Variants in GIMAP4 observed in about 807,000 individuals in gnomAD.
The protein encoded by GIMAP4 is GTPase, IMAP family member 4, also known as GTPase IMAP family member 4.
Under a neutral mutation model 10.8 loss-of-function variants are expected in GIMAP4, and 12 were observed. That is an observed-to-expected ratio of 1.11 (90% CI 0.71 to 1.81). GIMAP4 has a LOEUF of 1.81. Among genes scored for constraint, GIMAP4 ranks in the 40% most tolerant of loss-of-function variants. The pLI is 0.00. For missense variants in GIMAP4, 412 were observed against 404.6 expected, an observed-to-expected ratio of 1.02 and a Z score of -0.16; for synonymous variants, 149 against 147.2, an observed-to-expected ratio of 1.01 and a Z score of -0.09.
At position 150,572,109 on chromosome 7, in the gene GIMAP4, T is replaced by A. The variant is rs1366326725; in HGVS notation, c.59-20T>A. On this transcript the variant is annotated intron_variant, in intron 2 of 2. Coordinates refer to ENST00000255945, the MANE Select transcript of GIMAP4 (RefSeq NM_018326.3). ...GGTAGATTCTAACAGCATGGCTTTT[T>A]TTTTTTCTTGATGTCCCAGGGCCTG... 2.0e-6 allele frequency: 3 copies of A among 1,530,866 alleles called. No homozygotes were observed. Among genetic ancestry groups the A allele is most frequent in the South Asian group, 1.2e-5 (1 of 85,180 alleles). The allele number at this position is 1,530,866 out of a possible 1,614,324, so 94.8% of individuals were successfully genotyped here.
chr7:150,573,117 C>A lies in GIMAP4; in HGVS notation c.*57C>A. 1 of 1,149,842 alleles carries A rather than the reference C, an allele frequency of 8.7e-7. No homozygotes were observed. Among genetic ancestry groups the A allele is most frequent in the Non-Finnish European group, 1.3e-6 (1 of 787,206 alleles). 71.2% of individuals were successfully genotyped at this position (1,149,842 alleles called of 1,614,324 possible). On this transcript the variant is annotated 3_prime_UTR_variant, in exon 3 of 3. Transcript: ENST00000255945. ...TATTCTCTGGCAACCTTGCCCCATACTTACTTATTTAGCATAGTCGAGTGC... is the reference window on the plus strand; with the variant it reads ...TATTCTCTGGCAACCTTGCCCCATAATTACTTATTTAGCATAGTCGAGTGC...
At chr7:150,568,882 G>C (rs1490203985) in intron 1 of GIMAP4, among the ~76,000 whole-genome samples, 1 of 152,218 alleles carries the variant, frequency 6.6e-6, no homozygotes, top group Admixed American at 6.5e-5. Flanking sequence ...CTGGTAGACA[G>C]TGGTGTTGGG....
At position 150,572,235 on chromosome 7, in the gene GIMAP4, G is replaced by C. The variant is rs750748383; in HGVS notation, c.165G>C (p.Val55=). ...GAAACAGCATCCTTGGCCGGAAAGT[G>C]TTTCATTCTGGCACTGCAGCAAAAT... ...ATGNSILGRK[V]FHSGTAAKSI... The change falls in exon 3 of 3, where the codon GTG becomes GTC. Residue 55 remains valine, a synonymous_variant. Transcript: ENST00000255945. The C allele has an allele frequency of 6.2e-7, 1 of 1,614,000 alleles. No individual in the cohort carries two copies.
In GIMAP4 at chr7:150,569,881, T is replaced by G. The variant is rs769949491; in HGVS notation, c.-14-7T>G. 1 of 1,246,046 alleles carries G rather than the reference T, an allele frequency of 8.0e-7. No homozygotes were observed. The highest frequency in any genetic ancestry group is 1.2e-6 in the Non-Finnish European group (1 of 843,998). The allele number at this position is 1,246,046 out of a possible 1,614,324, so 77.2% of individuals were successfully genotyped here. On this transcript the variant is annotated splice_polypyrimidine_tract_variant and splice_region_variant and intron_variant, in intron 1 of 2. Coordinates refer to ENST00000255945, the MANE Select transcript of GIMAP4 (RefSeq NM_018326.3). ...AAAATGACATGGTTATGTTTCTTGATCTACAGGAGTTCAAGCGACAATGGC... is the reference window on the plus strand; with the variant it reads ...AAAATGACATGGTTATGTTTCTTGAGCTACAGGAGTTCAAGCGACAATGGC...
In GIMAP4 at chr7:150,572,154, T is replaced by C; in HGVS notation, c.84T>C (p.Asn28=). 1 of 1,612,976 alleles carries C rather than the reference T, an allele frequency of 6.2e-7. No homozygotes were observed. Among genetic ancestry groups the C allele is most frequent in the East Asian group, 2.2e-5 (1 of 44,864 alleles). ...GGCCTGGAAGGCAAGAGCCCAGAAATTCCCAATTGAGAATTGTGTTAGTGG... is the reference window on the plus strand; with the variant it reads ...GGCCTGGAAGGCAAGAGCCCAGAAACTCCCAATTGAGAATTGTGTTAGTGG... ...SYGPGRQEPR[N]SQLRIVLVGK... The change falls in exon 3 of 3, where the codon AAT becomes AAC. Residue 28 remains asparagine, a synonymous_variant. Transcript: ENST00000255945.
At chr7:150,569,505 T>G (rs1468721146) in intron 1 of GIMAP4, among the ~76,000 whole-genome samples, 1 of 152,062 alleles carries the variant, frequency 6.6e-6, no homozygotes, top group Non-Finnish European at 1.5e-5. Context: ...GAGATGCCCA[T>G]GAAATAGCCA....
At chr7:150,570,141 C>T (rs1795712690) in intron 2 of GIMAP4, 182 bp downstream of exon 2, 1 of 615,914 alleles carries the variant, frequency 1.6e-6, no homozygotes. Context: ...GCTCTTTCAT[C>T]TTTCTTGACC....
chr7:150,573,022 G>A lies in GIMAP4; in HGVS notation c.952G>A (p.Ala318Thr). 4 of 1,606,740 alleles carry A rather than the reference G, an allele frequency of 2.5e-6. No individual in the cohort carries two copies. The highest frequency in any genetic ancestry group is 3.4e-6 in the Non-Finnish European group (4 of 1,176,128). The change falls in exon 3 of 3, where the codon GCT (alanine) becomes ACT (threonine). Residue 318 changes from alanine to threonine, a missense_variant. Transcript: ENST00000255945. ...LELIMTALQI[A>T]SFILLRLFAE... ...ATTAATCATGACAGCGTTACAGATT[G>A]CTTCCTTTATTTTGTTACGTCTGTT...
intron 2 of GIMAP4, among the ~76,000 whole-genome samples, chr7:150,571,551 C>T (rs142912258): frequency 2.3e-3 from 353 of 152,224 alleles, no homozygotes; most frequent in African/African-American, 8.1e-3. Flanking sequence ...GAGGCCGAGG[C>T]GGGTGGATCA....
chr7:150,573,719 G>C lies in GIMAP4; in HGVS notation c.*659G>C, dbSNP rs996030176. On this transcript the variant is annotated 3_prime_UTR_variant, in exon 3 of 3. Transcript: ENST00000255945. The stretch of plus-strand genomic sequence containing the variant: ...AAATACAGCAATTCAACAGATAATA[G>C]AGCAATGTTTAGTATATTCAGCTGT... 1 of 152,168 alleles carries C rather than the reference G, an allele frequency of 6.6e-6. No individual in the cohort carries two copies. The highest frequency in any genetic ancestry group is 2.4e-5 in the African/African-American group (1 of 41,418). 9.4% of individuals were successfully genotyped at this position (152,168 alleles called of 1,614,324 possible).
In GIMAP4 at chr7:150,572,780, C is replaced by G. The variant is rs760238654; in HGVS notation, c.710C>G (p.Thr237Arg). 1 of 1,614,092 alleles carries G rather than the reference C, an allele frequency of 6.2e-7. No individual in the cohort carries two copies. Among genetic ancestry groups the G allele is most frequent in the Admixed American group, 1.7e-5 (1 of 60,010 alleles). ...QRAEEEIQKQ[T>R]QAMQELHRVE... ...GCGGAGGAGGAGATCCAGAAGCAAA[C>G]ACAAGCAATGCAAGAACTCCACAGA... The change falls in exon 3 of 3, where the codon ACA (threonine) becomes AGA (arginine). Residue 237 changes from threonine (T) to arginine (R), a missense_variant. By Grantham distance (71) the Thr-to-Arg change is moderately conservative. Coordinates refer to ENST00000255945, the MANE Select transcript of GIMAP4 (RefSeq NM_018326.3).
intron 2 of GIMAP4, among the ~76,000 whole-genome samples, chr7:150,570,319 T>C (rs1424904845): frequency 1.3e-5 from 2 of 152,092 alleles, no homozygotes; most frequent in Non-Finnish European, 2.9e-5. Context: ...TGCCCCTTTC[T>C]TCAGCCTGGA....
rs1264627044 is a variant in GIMAP4 at position 150,572,954 on chromosome 7, A to T, written c.884A>T (p.Gln295Leu). 6 of 1,614,008 alleles carry T rather than the reference A, an allele frequency of 3.7e-6. No individual in the cohort carries two copies. Among genetic ancestry groups the T allele is most frequent in the Non-Finnish European group, 5.1e-6 (6 of 1,179,824 alleles). ...GAGGCTCACTATGCTGTAAGGCAGC[A>T]AAGGGCAAGAACGGAAGTGGAGAGT... Reference protein sequence around the residue: ...EQEAHYAVRQQRARTEVESKD... With the variant: ...EQEAHYAVRQLRARTEVESKD... The change falls in exon 3 of 3, where the codon CAA (glutamine) becomes CTA (leucine). Residue 295 changes from glutamine to leucine, a missense_variant. Transcript: ENST00000255945.
Position 150,572,849 on chromosome 7 carries a change from A to T in GIMAP4, c.779A>T (p.Glu260Val). The T allele has an allele frequency of 6.2e-7, 1 of 1,613,800 alleles. No homozygotes were observed. The highest frequency in any genetic ancestry group is 8.5e-7 in the Non-Finnish European group (1 of 1,179,862). Residue 260 changes from glutamate to valine, a missense_variant, in exon 3 of 3, where the codon GAA becomes GTA. Physicochemically the swap from Glu to Val is moderately radical, Grantham distance 121. Transcript: ENST00000255945. Reference sequence around the variant, plus strand: ...AAAGCGCGGATAAGAGAGGAGTATGAAGAGAAAATCAGAAAGCTGGAAGAT... The same window carrying T: ...AAAGCGCGGATAAGAGAGGAGTATGTAGAGAAAATCAGAAAGCTGGAAGAT... ...REKARIREEY[E>V]EKIRKLEDKV...
chr7:150,568,302 A>G (rs1419547912), intron 1 of GIMAP4, among the ~76,000 whole-genome samples: 1 of 152,142 alleles, frequency 6.6e-6, no homozygotes, highest in Non-Finnish European at 1.5e-5. Flanking sequence ...TCTCTTGTTT[A>G]CAAGAAGCTG....
intron 1 of GIMAP4, among the ~76,000 whole-genome samples, chr7:150,568,324 C>T (rs987027950): frequency 2.1e-5 from 3 of 146,252 alleles, no homozygotes; most frequent in Non-Finnish European, 1.5e-5. Context: ...TTCCTATACC[C>T]TATTCTTGAA....
chr7:150,572,892 G>C lies in GIMAP4; in HGVS notation c.822G>C (p.Lys274Asn), dbSNP rs767822210. Residue 274 changes from lysine to asparagine, a missense_variant, in exon 3 of 3, where the codon AAG becomes AAC. Coordinates refer to ENST00000255945, the MANE Select transcript of GIMAP4 (RefSeq NM_018326.3). The part of the protein sequence containing the change: ...RKLEDKVEQE[K>N]RKKQMEKKLA... ...TGGAAGATAAAGTGGAGCAGGAAAA[G>C]AGAAAGAAGCAAATGGAGAAGAAAC... The C allele has an allele frequency of 8.7e-6, 14 of 1,614,060 alleles. No homozygotes were observed. In the Admixed American group the frequency reaches 2.0e-4, roughly 23 times the overall value.
At position 150,570,563 on chromosome 7, in the gene GIMAP4, G is replaced by A. The variant is rs546002518; in HGVS notation, c.58+604G>A. Among the ~76,000 whole-genome samples, 8 of 152,288 alleles carry A rather than the reference G, an allele frequency of 5.3e-5. No individual in the cohort carries two copies. The South Asian group carries it at 1.0e-3, about 20-fold the overall frequency. ...AGCTTAAAACATCAGCCATTTAGTT[G>A]GTTCTTAATTCTGTGGGTTCACTGG... On this transcript the variant is annotated intron_variant, in intron 2 of 2. Coordinates refer to ENST00000255945, the MANE Select transcript of GIMAP4 (RefSeq NM_018326.3).
chr7:150,568,683 A>T (rs1795692506), intron 1 of GIMAP4, among the ~76,000 whole-genome samples: 1 of 152,196 alleles, frequency 6.6e-6, no homozygotes, highest in Non-Finnish European at 1.5e-5. Context: ...ATGATCGATA[A>T]CCATTCTTTG....
Sources: gnomAD v4.1 joint callset for allele counts (sites outside exome capture counted in the v4.1 genomes callset) on GRCh38, gnomAD v4.1.1 for gene constraint, MANE v1.5 for transcripts, NCBI Gene and HGNC (gene_info 2026-07-23, HGNC 2026-07-21) for gene names.